Variants in CS observed in about 807,000 individuals in gnomAD.
CS encodes citrate synthase.
A neutral mutation model predicts 61.4 loss-of-function variants in CS; 13 were observed. The observed-to-expected ratio is 0.21, with a 90% CI of 0.14 to 0.34. The LOEUF is 0.34. Among genes scored for constraint, CS ranks in the 10% least tolerant of loss-of-function variants. The probability of loss-of-function intolerance (pLI) is 1.00; values close to 1 mark genes in which losing one functional copy is unlikely to be tolerated. For missense variants in CS, 278 were observed against 573.4 expected (o/e 0.48, Z 5.26); for synonymous variants, 159 against 215.2 (o/e 0.74, Z 2.29).
intron 7 of CS, chr12:56,275,658 G>A (rs1374219784): frequency 5.8e-6 from 2 of 344,954 alleles, no homozygotes; most frequent in Non-Finnish European, 1.1e-5. Context: ...GGTTGATGAT[G>A]CCTGTATGCT....
At chr12:56,279,838 C>T (rs561094222) in intron 6 of CS, among the ~76,000 whole-genome samples, 2 of 142,004 alleles carry the variant, frequency 1.4e-5, no homozygotes, top group African/African-American at 2.7e-5. Context: ...CGTGGTGGTG[C>T]GCACCTGTAG....
At position 56,274,320 on chromosome 12, in the gene CS, TAAA is replaced by T. The variant is rs59911757; in HGVS notation, c.1020+454_1020+456del. The T allele has an allele frequency of 5.6e-5, 7 of 124,016 alleles. No homozygotes were observed. In the South Asian group the frequency reaches 8.2e-4, roughly 15 times the overall value. The allele number at this position is 124,016 out of a possible 1,614,324, so 7.7% of individuals were successfully genotyped here. ...TGGGCAACAAGAGCAAGACTGTCTT[TAAA>T]AAAAAAAAAAAAAAAAAGATAGGGT... On this transcript the variant is annotated intron_variant, in intron 9 of 10. Transcript: ENST00000351328.
chr12:56,294,386 A>T (rs780794518), intron 1 of CS, among the ~76,000 whole-genome samples: 26 of 146,982 alleles, frequency 1.8e-4, no homozygotes, highest in Non-Finnish European at 3.6e-4. Context: ...AGAAAGGACA[A>T]TTGCTTGAAC....
chr12:56,295,951 C>CAAA (rs71081343), intron 1 of CS, among the ~76,000 whole-genome samples: 78 of 40,508 alleles, frequency 1.9e-3, no homozygotes, highest in African/African-American at 3.2e-3. Flanking sequence ...GAAACTGTCT[C>CAAA]AAAAAAAAAA....
intron 6 of CS, among the ~76,000 whole-genome samples, chr12:56,280,046 G>A (rs972171518): frequency 6.6e-6 from 1 of 152,032 alleles, no homozygotes; most frequent in Non-Finnish European, 1.5e-5. Flanking sequence ...TTGGGGAAGA[G>A]GTGGGCGAAT....
At chr12:56,280,500 G>A (rs1441315726) in intron 6 of CS, among the ~76,000 whole-genome samples, 1 of 151,376 alleles carries the variant, frequency 6.6e-6, no homozygotes, top group Non-Finnish European at 1.5e-5. Flanking sequence ...GGTGGCATGT[G>A]CCTGTAGTCC....
chr12:56,298,028 C>T (rs900586694), intron 1 of CS, among the ~76,000 whole-genome samples: 2 of 148,452 alleles, frequency 1.3e-5, no homozygotes, highest in South Asian at 2.3e-4. Flanking sequence ...AACGGAGTTT[C>T]GCTCTTGTTG....
chr12:56,280,243 G>A (rs1303047230), intron 6 of CS, among the ~76,000 whole-genome samples: 5 of 151,698 alleles, frequency 3.3e-5, no homozygotes, highest in African/African-American at 4.8e-5. Flanking sequence ...GTGAAACCCT[G>A]TCTCTACTAA....
At chr12:56,287,290 G>A (rs545421526) in intron 1 of CS, among the ~76,000 whole-genome samples, 1 of 152,140 alleles carries the variant, frequency 6.6e-6, no homozygotes, top group South Asian at 2.1e-4. Context: ...GACCAGCCTG[G>A]CCAACATGGT....
At chr12:56,294,473 CAA>C (rs1227364181) in intron 1 of CS, among the ~76,000 whole-genome samples, 11 of 36,932 alleles carry the variant, frequency 3.0e-4, no homozygotes, top group Non-Finnish European at 3.7e-4. Context: ...GACTCTGTCT[CAA>C]AAAAAAAAAA....
intron 2 of CS, 81 bp from the exon 3 acceptor site, chr12:56,286,104 CT>C: frequency 8.1e-7 from 1 of 1,239,098 alleles, no homozygotes; most frequent in Non-Finnish European, 1.2e-6. Flanking sequence ...CAAGAATTTG[CT>C]TTTTAGAAGC....
chr12:56,273,994 T>G, intron 9 of CS, 198 bp from the exon 10 acceptor site: 131 of 475,968 alleles, frequency 2.8e-4, no homozygotes, highest in Middle Eastern at 5.8e-4. Context: ...CCAACACATC[T>G]GGCTTTTTTT....
rs1400594520 is a variant in CS at position 56,272,903 on chromosome 12, T to C, written c.*181A>G. The C allele has an allele frequency of 5.3e-6, 3 of 570,540 alleles. No individual in the cohort carries two copies. The highest frequency in any genetic ancestry group is 9.2e-6 in the Non-Finnish European group (3 of 326,128). 35.3% of individuals were successfully genotyped at this position (570,540 alleles called of 1,614,324 possible). ...TACCAGGCAGGGGAAGGGAGCTGAT[T>C]AGGGAAGAAGGGACCATTTTTCATC... On this transcript the variant is annotated 3_prime_UTR_variant, in exon 11 of 11. Coordinates refer to ENST00000351328, the MANE Select transcript of CS (RefSeq NM_004077.3).
Position 56,282,624 on chromosome 12 carries a change from C to A in CS, c.400-16G>T, listed in dbSNP as rs1344829510. ...GCCAAGATACCTGTGGAAAAAGAGA[C>A]AGTGCTCAGAACACCAGCAAGGACA... On this transcript the variant is annotated splice_polypyrimidine_tract_variant and intron_variant, in intron 5 of 10. Transcript: ENST00000351328. 6.9e-6 allele frequency: 11 copies of A among 1,597,848 alleles called. No homozygotes were observed. The highest frequency in any genetic ancestry group is 1.7e-4 in the Middle Eastern group (1 of 6,000).
At chr12:56,298,581 T>C (rs1366579630) in intron 1 of CS, 8 of 978,308 alleles carry the variant, frequency 8.2e-6, no homozygotes, top group Non-Finnish European at 9.7e-6. Context: ...ATCTAGAACT[T>C]GCTTCATTTC....
chr12:56,294,608 C>T (rs1388572938), intron 1 of CS, among the ~76,000 whole-genome samples: 6 of 151,784 alleles, frequency 4.0e-5, no homozygotes, highest in Admixed American at 3.3e-4. Flanking sequence ...TCTCTGTCAC[C>T]CAGGCTGGAG....
In CS at chr12:56,293,253, T is replaced by C. The variant is rs540661465; in HGVS notation, c.43-6608A>G. Among the ~76,000 whole-genome samples the C allele has an allele frequency of 2.9e-4, 44 of 152,358 alleles. 2 individuals carry two copies. The highest frequency in any genetic ancestry group is 3.3e-4 in the Admixed American group (5 of 15,304). The stretch of plus-strand genomic sequence containing the variant: ...ATTTTCTTTGATTCTCCATCCTAGG[T>C]ACATCCAGACTCTCTCTGTCCTTCT... On this transcript the variant is annotated intron_variant, in intron 1 of 10. Transcript: ENST00000351328.
chr12:56,291,108 G>A, intron 1 of CS: 1 of 473,278 alleles, frequency 2.1e-6, no homozygotes, highest in Non-Finnish European at 3.3e-6. Flanking sequence ...TTTCAGAGTA[G>A]TTAAGTAAAC....
chr12:56,274,598 G>C (rs1359616981), intron 9 of CS, 179 bp downstream of exon 9: 1 of 526,084 alleles, frequency 1.9e-6, no homozygotes, highest in Non-Finnish European at 3.3e-6. Context: ...CAAGTAGGTG[G>C]GACTACAGGT....
Sources: allele counts gnomAD v4.1 joint callset (sites outside exome capture counted in the v4.1 genomes callset), GRCh38; gene constraint gnomAD v4.1.1; transcripts MANE v1.5; gene names NCBI Gene and HGNC (gene_info 2026-07-23, HGNC 2026-07-21).